Variants in EDIL3 observed in about 807,000 individuals in gnomAD.
EDIL3 encodes EGF like and discoidin domains 3.
In EDIL3, 37 loss-of-function variants were observed where a neutral mutation model predicts 67.4. That is an observed-to-expected ratio of 0.55 (90% CI 0.42 to 0.72). The LOEUF is 0.72. EDIL3 is among the 30% of genes least tolerant of loss of function. The pLI is 0.00. For missense variants in EDIL3, 527 were observed against 586.3 expected, an observed-to-expected ratio of 0.90 and a Z score of 1.04; for synonymous variants, 195 against 196.3, an observed-to-expected ratio of 0.99 and a Z score of 0.05.
rs941499840 is a variant in EDIL3, at chr5:84,381,146, G to A, written c.67+3162C>T. 3.3e-5 allele frequency among the ~76,000 whole-genome samples: 5 copies of A among 152,114 alleles called. No homozygotes were observed. The East Asian group carries it at 7.7e-4, about 24-fold the overall frequency. On this transcript the variant is annotated intron_variant, in intron 1 of 10. Transcript: ENST00000296591. Reference sequence around the variant, plus strand: ...TCCTGATTTTTAAAAATTATTTTAAGTCTTTTCCCAAAACCATATACATTT... The same window carrying A: ...TCCTGATTTTTAAAAATTATTTTAAATCTTTTCCCAAAACCATATACATTT...
intron 1 of EDIL3, among the ~76,000 whole-genome samples, chr5:84,312,656 G>A (rs1746431932): frequency 1.3e-5 from 2 of 151,634 alleles, no homozygotes; most frequent in South Asian, 4.2e-4. Flanking sequence ...CCGGGCAGAG[G>A]GGCTCCTCAC....
intron 1 of EDIL3, among the ~76,000 whole-genome samples, chr5:84,362,073 A>G (rs1055967751): frequency 6.6e-6 from 1 of 152,088 alleles, no homozygotes; most frequent in African/African-American, 2.4e-5. Context: ...TTCCCAAAAG[A>G]GCAGTAATGC....
chr5:84,350,764 G>A (rs559811498), intron 1 of EDIL3, among the ~76,000 whole-genome samples: 1 of 151,884 alleles, frequency 6.6e-6, no homozygotes, highest in Non-Finnish European at 1.5e-5. Flanking sequence ...TTGTTCAATA[G>A]AAATATAAAG....
At chr5:84,212,980 A>G (rs890392153) in intron 3 of EDIL3, among the ~76,000 whole-genome samples, 1 of 151,536 alleles carries the variant, frequency 6.6e-6, no homozygotes, top group Non-Finnish European at 1.5e-5. Flanking sequence ...TCATTTGGTG[A>G]AACAAACAGA....
At chr5:83,966,037 T>C (rs1406405652) in intron 9 of EDIL3, among the ~76,000 whole-genome samples, 1 of 152,070 alleles carries the variant, frequency 6.6e-6, no homozygotes, top group Non-Finnish European at 1.5e-5. Flanking sequence ...AGAATGATTC[T>C]AGAAAAGCCC....
intron 9 of EDIL3, among the ~76,000 whole-genome samples, chr5:83,998,840 A>G (rs531415768): frequency 6.6e-6 from 1 of 152,308 alleles, no homozygotes; most frequent in African/African-American, 2.4e-5. Flanking sequence ...GGCACTGAGT[A>G]CTGTGCCAGC....
intron 1 of EDIL3, among the ~76,000 whole-genome samples, chr5:84,321,919 A>G (rs1301440610): frequency 6.6e-6 from 1 of 152,160 alleles, no homozygotes; most frequent in East Asian, 1.9e-4. Flanking sequence ...TTGAAAAGCA[A>G]TTTCATAGAT....
intron 1 of EDIL3, among the ~76,000 whole-genome samples, chr5:84,320,233 A>G (rs1424783848): frequency 6.6e-6 from 1 of 152,250 alleles, no homozygotes; most frequent in Admixed American, 6.5e-5. Flanking sequence ...ATCTCCTTTA[A>G]GTTCAATAAA....
At chr5:84,334,692 CT>C (rs1377234490) in intron 1 of EDIL3, among the ~76,000 whole-genome samples, 3 of 152,178 alleles carry the variant, frequency 2.0e-5, no homozygotes, top group African/African-American at 7.2e-5. Flanking sequence ...ATACCATTAA[CT>C]TTTAATGATG....
At chr5:84,240,939 A>G (rs7707592) in intron 2 of EDIL3, among the ~76,000 whole-genome samples, 122,263 of 151,454 alleles carry the variant, frequency 0.81, 49,717 homozygotes, top group East Asian at 0.95. Flanking sequence ...CTGTTTTTCT[A>G]ATTTTTTATC....
At chr5:84,133,079 G>T (rs542344573) in intron 5 of EDIL3, among the ~76,000 whole-genome samples, 5 of 152,070 alleles carry the variant, frequency 3.3e-5, no homozygotes, top group Non-Finnish European at 5.9e-5. Flanking sequence ...ACAACCAGGA[G>T]GGAAATGTAT....
intron 3 of EDIL3, chr5:84,181,309 C>T (rs775552388): frequency 3.9e-5 from 6 of 152,196 alleles, no homozygotes; most frequent in Non-Finnish European, 7.3e-5. Flanking sequence ...CAACATTCAG[C>T]TACTGAACCA....
intron 1 of EDIL3, among the ~76,000 whole-genome samples, chr5:84,327,667 T>C (rs1260331822): frequency 1.3e-5 from 2 of 152,048 alleles, no homozygotes; most frequent in Non-Finnish European, 2.9e-5. Flanking sequence ...ACAGAGAAGT[T>C]TGGTATTTAC....
chr5:84,373,826 A>G (rs1358265354), intron 1 of EDIL3, among the ~76,000 whole-genome samples: 4 of 152,162 alleles, frequency 2.6e-5, no homozygotes, highest in South Asian at 2.1e-4. Context: ...AAACTCTGAG[A>G]AATTTAAAAT....
At chr5:84,197,992 A>G (rs1743747617) in intron 3 of EDIL3, among the ~76,000 whole-genome samples, 1 of 152,016 alleles carries the variant, frequency 6.6e-6, no homozygotes, top group Non-Finnish European at 1.5e-5. Flanking sequence ...TCAACAGTGG[A>G]AAGGATAGTA....
intron 3 of EDIL3, among the ~76,000 whole-genome samples, chr5:84,217,694 C>A (rs1267586511): frequency 6.8e-6 from 1 of 147,808 alleles, no homozygotes; most frequent in Non-Finnish European, 1.5e-5. Context: ...AATAAATCTA[C>A]TTACCCATCT....
At position 84,018,856 on chromosome 5, in the gene EDIL3, C is replaced by T. The variant is rs1296991966; in HGVS notation, c.1137+41444G>A. Among the ~76,000 whole-genome samples the T allele has an allele frequency of 5.3e-5, 8 of 152,270 alleles. No homozygotes were observed. The South Asian group carries it at 1.4e-3, about 28-fold the overall frequency. ...AAAACCACAATAAGATACCATCTCA[C>T]ACCAGTTAGAATGGCGATCATTAAA... On this transcript the variant is annotated intron_variant, in intron 9 of 10. Coordinates refer to ENST00000296591, the MANE Select transcript of EDIL3 (RefSeq NM_005711.5).
intron 9 of EDIL3, among the ~76,000 whole-genome samples, chr5:83,989,184 C>T (rs1261954095): frequency 6.6e-6 from 1 of 152,090 alleles, no homozygotes; most frequent in Non-Finnish European, 1.5e-5. Context: ...AAATATAATT[C>T]CTGCTTCATT....
intron 1 of EDIL3, among the ~76,000 whole-genome samples, chr5:84,278,491 C>T (rs1745631810): frequency 6.6e-6 from 1 of 152,108 alleles, no homozygotes; most frequent in Non-Finnish European, 1.5e-5. Flanking sequence ...GATTTCTGAT[C>T]TTCTCATTTT....
Sources: gnomAD v4.1 joint callset for allele counts (sites outside exome capture counted in the v4.1 genomes callset) on GRCh38, gnomAD v4.1.1 for gene constraint, MANE v1.5 for transcripts, NCBI Gene and HGNC (gene_info 2026-07-23, HGNC 2026-07-21) for gene names.